Variants in KIF2C observed in about 807,000 individuals in gnomAD.
The protein encoded by KIF2C is kinesin family member 2C, also known as kinesin-like protein KIF2C.
KIF2C carries 34 observed loss-of-function variants against 97.4 expected under a neutral mutation model. The ratio of observed to expected loss-of-function variants is 0.35; its 90% CI spans 0.27 to 0.46. The LOEUF (loss-of-function observed/expected upper bound fraction) is 0.46, where lower values mean the gene tolerates loss of function less well. Ranked by LOEUF, KIF2C falls within the 20% of genes least tolerant of loss-of-function variation. The pLI is 1.00. For synonymous variants in KIF2C, 313 were observed against 318.2 expected (o/e 0.98, Z 0.17); for missense variants, 750 against 907.6 (o/e 0.83, Z 2.23).
chr1:44,763,037 G>A (rs1335748207), intron 19 of KIF2C, among the ~76,000 whole-genome samples: 1 of 152,198 alleles, frequency 6.6e-6, no homozygotes, highest in Non-Finnish European at 1.5e-5. Context: ...GGCCCTAAGG[G>A]TATGACTTGA....
At chr1:44,744,682 T>C (rs1308889058) in intron 2 of KIF2C, among the ~76,000 whole-genome samples, 2 of 151,322 alleles carry the variant, frequency 1.3e-5, no homozygotes, top group South Asian at 4.2e-4. Context: ...GGGCGGATCA[T>C]GAGGTCAGGA....
chr1:44,760,413 G>A lies in KIF2C; in HGVS notation c.1501G>A (p.Asp501Asn). 1 of 1,614,224 alleles carries A rather than the reference G, an allele frequency of 6.2e-7. No individual in the cohort carries two copies. The highest frequency in any genetic ancestry group is 8.5e-7 in the Non-Finnish European group (1 of 1,180,042). Reference protein sequence around the residue: ...VDLAGNERGADTSSADRQTRM... With the variant: ...VDLAGNERGANTSSADRQTRM... ...TCTGGCAGGGAATGAGCGAGGCGCG[G>A]ACACTTCCAGTGCTGACCGGCAGAC... Residue 501 changes from aspartate to asparagine, a missense_variant, in exon 15 of 21, where the codon GAC (aspartate) becomes AAC (asparagine). Coordinates refer to ENST00000372224, the MANE Select transcript of KIF2C (RefSeq NM_006845.4). This position sits in a 1 kb window ranked among gnomAD's most constrained non-coding sequence, Gnocchi z 4.2.
rs1354241952 is a variant in KIF2C at position 44,767,229 on chromosome 1, C to T, written c.*50C>T. The T allele has an allele frequency of 6.5e-7, 1 of 1,543,588 alleles. No individual in the cohort carries two copies. The highest frequency in any genetic ancestry group is 1.7e-5 in the Admixed American group (1 of 59,190). On this transcript the variant is annotated 3_prime_UTR_variant, in exon 21 of 21. Coordinates refer to ENST00000372224, the MANE Select transcript of KIF2C (RefSeq NM_006845.4). ...GTTTGACACCCAGCCTCTTCCCTGG[C>T]CCTCCCCAGAGAACTTTGGGTACCT... is the stretch of plus-strand genomic sequence containing the variant.
chr1:44,753,958 C>CCTTTTTTTTTTT (rs1649674479), intron 7 of KIF2C, 125 bp downstream of exon 7: 1 of 66,714 alleles, frequency 1.5e-5, no homozygotes, highest in Non-Finnish European at 2.7e-5. Context: ...GGCCCCAATT[C>CCTTTTTTTTTTT]TTTTTTTTTT....
rs1557586274 is a variant in KIF2C, at chr1:44,739,929, C to A, written c.-4C>A. 8.1e-6 allele frequency: 13 copies of A among 1,614,048 alleles called. No homozygotes were observed. The highest frequency in any genetic ancestry group is 1.1e-5 in the Non-Finnish European group (13 of 1,179,870). ...CGCGTTTCTCTTCCTTGCTGACTCTCCGAATGGCCATGGACTCGTCGCTTC... is the reference window on the plus strand; with the variant it reads ...CGCGTTTCTCTTCCTTGCTGACTCTACGAATGGCCATGGACTCGTCGCTTC... On this transcript the variant is annotated 5_prime_UTR_variant, in exon 1 of 21. Transcript: ENST00000372224.
intron 13 of KIF2C, 42 bp from the exon 14 acceptor site, chr1:44,759,164 G>A (rs375888062): frequency 6.2e-7 from 1 of 1,611,456 alleles, no homozygotes; most frequent in African/African-American, 1.3e-5. Context: ...TGGGGTGCCG[G>A]GTGCCCAGTG....
chr1:44,753,129 C>T lies in KIF2C; in HGVS notation c.440-3C>T. 1 of 1,610,420 alleles carries T rather than the reference C, an allele frequency of 6.2e-7. No homozygotes were observed. Among genetic ancestry groups the T allele is most frequent in the Non-Finnish European group, 8.5e-7 (1 of 1,177,916 alleles). Reference sequence around the variant, plus strand: ...TTCTCCAGTGACTCTTGTTCCCCTACAGCTGCCCCCACTAGGCCTTCCTGC... The same window carrying T: ...TTCTCCAGTGACTCTTGTTCCCCTATAGCTGCCCCCACTAGGCCTTCCTGC... On this transcript the variant is annotated splice_region_variant and splice_polypyrimidine_tract_variant and intron_variant, in intron 5 of 20. Transcript: ENST00000372224.
intron 13 of KIF2C, 152 bp downstream of exon 13, chr1:44,758,292 G>A: frequency 1.5e-6 from 1 of 663,930 alleles, no homozygotes; most frequent in Middle Eastern, 3.9e-4. Context: ...CATGTAGGTG[G>A]TTTAATCTGA....
intron 5 of KIF2C, among the ~76,000 whole-genome samples, chr1:44,751,357 G>A (rs1367855959): frequency 2.6e-5 from 4 of 151,932 alleles, no homozygotes; most frequent in Non-Finnish European, 5.9e-5. Flanking sequence ...CACCACGCCC[G>A]GCTAATTTTT....
At chr1:44,748,308 G>A (rs543801259) in intron 4 of KIF2C, among the ~76,000 whole-genome samples, 1 of 152,228 alleles carries the variant, frequency 6.6e-6, no homozygotes, top group Non-Finnish European at 1.5e-5. Context: ...CCAGGTCTAG[G>A]GGTCATCATT....
intron 6 of KIF2C, 57 bp downstream of exon 6, chr1:44,753,311 T>A (rs1649629669): frequency 1.3e-6 from 2 of 1,559,018 alleles, no homozygotes; most frequent in East Asian, 2.3e-5. Flanking sequence ...ATAGTTTACA[T>A]CCTGTCCTAA....
At chr1:44,748,080 T>C (rs1337354599) in intron 4 of KIF2C, among the ~76,000 whole-genome samples, 1 of 152,174 alleles carries the variant, frequency 6.6e-6, no homozygotes, top group East Asian at 1.9e-4. Context: ...GTGGGTTGTT[T>C]AGAAGTACAG....
chr1:44,747,307 C>CAAAAAAAAAAA, intron 2 of KIF2C, 77 bp from the exon 3 acceptor site: 1 of 989,804 alleles, frequency 1.0e-6, no homozygotes, highest in South Asian at 1.5e-5. Context: ...TACTCTGTCT[C>CAAAAAAAAAAA]AAAAAAAAAA....
chr1:44,761,603 G>A (rs1328835334), intron 16 of KIF2C, among the ~76,000 whole-genome samples: 8 of 149,312 alleles, frequency 5.4e-5, no homozygotes, highest in South Asian at 2.1e-4. Flanking sequence ...GTGAGACTCC[G>A]TCTCAAAAAA....
At chr1:44,742,999 C>T (rs993926845) in intron 2 of KIF2C, among the ~76,000 whole-genome samples, 4 of 152,152 alleles carry the variant, frequency 2.6e-5, no homozygotes, top group Non-Finnish European at 5.9e-5. Context: ...GAAGGCTTAG[C>T]TGAAGCAGCA....
intron 8 of KIF2C, 124 bp from the exon 9 acceptor site, chr1:44,755,805 T>G: frequency 1.3e-6 from 1 of 771,542 alleles, no homozygotes; most frequent in South Asian, 1.6e-5. Flanking sequence ...GGGGTCCTAG[T>G]GTTAGATCTT....
Position 44,758,209 on chromosome 1 carries a change from A to G in KIF2C, c.1224+69A>G. On this transcript the variant is annotated intron_variant, in intron 13 of 20. Transcript: ENST00000372224. Reference sequence around the variant, plus strand: ...ACTTTTTAAAACCTTGAAGCTGGCTAGAAGTTGAGGCCAAAAACCTATTAG... The same window carrying G: ...ACTTTTTAAAACCTTGAAGCTGGCTGGAAGTTGAGGCCAAAAACCTATTAG... 2.1e-6 allele frequency: 3 copies of G among 1,440,476 alleles called. No individual in the cohort carries two copies. In the South Asian group the frequency reaches 3.5e-5, roughly 17 times the overall value. The allele number at this position is 1,440,476 out of a possible 1,614,324, so 89.2% of individuals were successfully genotyped here. A position where few individuals can be genotyped will look rare whatever the true frequency, so the allele number is the denominator to read the frequency against.
chr1:44,755,914 C>G lies in KIF2C; in HGVS notation c.760-15C>G, dbSNP rs769724144. 6 of 1,613,398 alleles carry G rather than the reference C, an allele frequency of 3.7e-6. No homozygotes were observed. Among genetic ancestry groups the G allele is most frequent in the Non-Finnish European group, 5.1e-6 (6 of 1,179,936 alleles). Reference sequence around the variant, plus strand: ...GACCCTTTGCTGTTGGTTGCCTCCTCTCATCCGCTTGCAGATCGAAGAGCA... The same window carrying G: ...GACCCTTTGCTGTTGGTTGCCTCCTGTCATCCGCTTGCAGATCGAAGAGCA... On this transcript the variant is annotated splice_polypyrimidine_tract_variant and intron_variant, in intron 8 of 20. Coordinates refer to ENST00000372224, the MANE Select transcript of KIF2C (RefSeq NM_006845.4).
In KIF2C at chr1:44,760,369, G is replaced by C; in HGVS notation, c.1457G>C (p.Gly486Ala). Residue 486 changes from glycine to alanine, a missense_variant, in exon 15 of 21, where the codon GGC becomes GCC. Coordinates refer to ENST00000372224, the MANE Select transcript of KIF2C (RefSeq NM_006845.4). This position sits in a 1 kb window ranked among gnomAD's most constrained non-coding sequence, Gnocchi z 4.2. ...CTTCGAGCTAAAGGGAGAATGCATGGCAAGTTCTCTTTGGTAGATCTGGCA... is the reference window on the plus strand; with the variant it reads ...CTTCGAGCTAAAGGGAGAATGCATGCCAAGTTCTCTTTGGTAGATCTGGCA... ...IILRAKGRMH[G>A]KFSLVDLAGN... 1 of 1,614,230 alleles carries C rather than the reference G, an allele frequency of 6.2e-7. No individual in the cohort carries two copies. Among genetic ancestry groups the C allele is most frequent in the South Asian group, 1.1e-5 (1 of 91,084 alleles).
Sources: allele counts gnomAD v4.1 joint callset (sites outside exome capture counted in the v4.1 genomes callset), GRCh38; gene constraint gnomAD v4.1.1; non-coding constraint Gnocchi (gnomAD v3.1); transcripts MANE v1.5; gene names NCBI Gene and HGNC (gene_info 2026-07-23, HGNC 2026-07-21).